The following MSRA variants were observed in gnomAD, a reference collection of about 807,000 sequenced individuals.
The protein encoded by MSRA is mitochondrial peptide methionine sulfoxide reductase.
In MSRA, 54 loss-of-function variants were observed where a neutral mutation model predicts 31.3. That is an observed-to-expected ratio of 1.73 (90% CI 1.39 to 2.17). The LOEUF is 2.17. Among genes scored for constraint, MSRA ranks in the 30% most tolerant of loss-of-function variants. The pLI, the probability that MSRA is intolerant of heterozygous loss-of-function variation, is 0.00. For synonymous variants in MSRA, 169 were observed against 116.5 expected (o/e 1.45, Z -2.90); for missense variants, 507 against 300.9 (o/e 1.69, Z -5.07).
intron 1 of MSRA, among the ~76,000 whole-genome samples, chr8:10,161,560 C>T (rs1162442956): frequency 6.6e-6 from 1 of 152,178 alleles, no homozygotes; most frequent in East Asian, 1.9e-4. Context: ...GCTTTGGTCT[C>T]TTAGGAGAGC....
chr8:10,393,707 A>G (rs2001338), intron 5 of MSRA, among the ~76,000 whole-genome samples: 45,215 of 152,146 alleles, frequency 0.3, 7,454 homozygotes, highest in Non-Finnish European at 0.37. Flanking sequence ...TATGACCTGC[A>G]CACGGGCAGC....
intron 2 of MSRA, among the ~76,000 whole-genome samples, chr8:10,223,290 T>C (rs549600714): frequency 1.1e-4 from 17 of 152,332 alleles, no homozygotes; most frequent in African/African-American, 3.1e-4. Context: ...TCATGAGAGT[T>C]GAAGTTGAGA....
Position 10,260,120 on chromosome 8 carries a change from T to G in MSRA, c.331+14897T>G, listed in dbSNP as rs73662812. 8.9e-3 allele frequency among the ~76,000 whole-genome samples: 1,353 copies of G among 152,250 alleles called. 28 individuals carry two copies. The highest frequency in any genetic ancestry group is 0.03 in the African/African-American group (1,259 of 41,544). On this transcript the variant is annotated intron_variant, in intron 3 of 5. Transcript: ENST00000317173. ...ACAAAATTGATGCACAATAATGATA[T>G]GATCTGTCAGAAGAAGTGGCAAAGA...
At chr8:10,415,091 A>G (rs987621040) in intron 5 of MSRA, among the ~76,000 whole-genome samples, 3 of 152,216 alleles carry the variant, frequency 2.0e-5, no homozygotes, top group South Asian at 4.1e-4. Flanking sequence ...TGGAGGGTGC[A>G]CTGTCTGAGC....
At chr8:10,223,148 A>G (rs756839980) in intron 2 of MSRA, among the ~76,000 whole-genome samples, 17 of 152,196 alleles carry the variant, frequency 1.1e-4, no homozygotes, top group Non-Finnish European at 2.1e-4. Flanking sequence ...TCCTTCCTAG[A>G]GAGTATTTAG....
At chr8:10,278,566 C>G (rs1269421357) in intron 3 of MSRA, among the ~76,000 whole-genome samples, 1 of 152,232 alleles carries the variant, frequency 6.6e-6, no homozygotes, top group Non-Finnish European at 1.5e-5. Flanking sequence ...GTGGGCACAC[C>G]TATGGCCTGT....
At chr8:10,346,857 C>T (rs1803810992) in intron 5 of MSRA, among the ~76,000 whole-genome samples, 1 of 152,206 alleles carries the variant, frequency 6.6e-6, no homozygotes, top group African/African-American at 2.4e-5. Context: ...GAACTGGTGA[C>T]TCTAAACAGT....
At chr8:10,306,935 T>C (rs147013984) in intron 4 of MSRA, among the ~76,000 whole-genome samples, 3 of 152,334 alleles carry the variant, frequency 2.0e-5, no homozygotes, top group East Asian at 1.9e-4. Context: ...GTCTTAGCGA[T>C]AGATGTTTCA....
chr8:10,370,077 T>G (rs918200942), intron 5 of MSRA, among the ~76,000 whole-genome samples: 1 of 152,240 alleles, frequency 6.6e-6, no homozygotes, highest in Admixed American at 6.5e-5. Context: ...CCATCATTTT[T>G]GCTTTCTGGT....
chr8:10,239,826 A>G (rs1251392530), intron 2 of MSRA, among the ~76,000 whole-genome samples: 2 of 152,164 alleles, frequency 1.3e-5, no homozygotes, highest in Non-Finnish European at 2.9e-5. Flanking sequence ...AAACACGTGT[A>G]TTATTCATTT....
chr8:10,291,316 A>G (rs1359844186), intron 3 of MSRA, among the ~76,000 whole-genome samples: 2 of 152,176 alleles, frequency 1.3e-5, no homozygotes, highest in East Asian at 1.9e-4. Flanking sequence ...CAAAAAATTC[A>G]CAATTGCTCC....
rs1395950177 is a variant in MSRA, at chr8:10,277,978, A to C, written c.332-23556A>C. ...TTGTAAGAGTAGTACCTGTTATTAC[A>C]GCAGGGGCAAGTTGTAAACCTCTTT... On this transcript the variant is annotated intron_variant, in intron 3 of 5. Coordinates refer to ENST00000317173, the MANE Select transcript of MSRA (RefSeq NM_012331.5). 3.9e-5 allele frequency among the ~76,000 whole-genome samples: 6 copies of C among 152,382 alleles called. No individual in the cohort carries two copies. In the East Asian group the frequency reaches 9.6e-4, roughly 24 times the overall value.
chr8:10,389,559 G>A (rs1806602616), intron 5 of MSRA, among the ~76,000 whole-genome samples: 1 of 152,164 alleles, frequency 6.6e-6, no homozygotes, highest in Admixed American at 6.5e-5. Context: ...GAGCTGTTAT[G>A]AGAACCACTG....
intron 1 of MSRA, among the ~76,000 whole-genome samples, chr8:10,170,180 C>G (rs112617811): frequency 6.6e-6 from 1 of 151,450 alleles, no homozygotes; most frequent in Non-Finnish European, 1.5e-5. Flanking sequence ...GCCACTGTGC[C>G]GGGCCTTCCT....
At chr8:10,313,273 A>G (rs1418458181) in intron 4 of MSRA, among the ~76,000 whole-genome samples, 2 of 152,210 alleles carry the variant, frequency 1.3e-5, no homozygotes, top group Non-Finnish European at 2.9e-5. Context: ...TTGAAGCAAC[A>G]TATTGAAGGT....
intron 1 of MSRA, among the ~76,000 whole-genome samples, chr8:10,105,161 C>T (rs562039791): frequency 2.6e-5 from 4 of 152,066 alleles, no homozygotes; most frequent in African/African-American, 9.6e-5. Context: ...TTAACTAATC[C>T]TTTGTTATGC....
intron 1 of MSRA, among the ~76,000 whole-genome samples, chr8:10,161,207 C>G (rs6986977): frequency 0.24 from 35,843 of 152,066 alleles, 5,016 homozygotes; most frequent in East Asian, 0.51. Context: ...GCCCAGCAAG[C>G]CAATAATTCC....
chr8:10,084,091 A>G (rs1798426438), intron 1 of MSRA, among the ~76,000 whole-genome samples: 1 of 152,218 alleles, frequency 6.6e-6, no homozygotes, highest in South Asian at 2.1e-4. Context: ...TGCCATCGGG[A>G]GTCGAGGCAG....
At chr8:10,257,480 C>G (rs757890121) in intron 3 of MSRA, among the ~76,000 whole-genome samples, 1 of 152,148 alleles carries the variant, frequency 6.6e-6, no homozygotes, top group Non-Finnish European at 1.5e-5. Flanking sequence ...GACCTCGGCT[C>G]ACTGCAACCC....
Sources: gnomAD v4.1 joint callset for allele counts (sites outside exome capture counted in the v4.1 genomes callset) on GRCh38, gnomAD v4.1.1 for gene constraint, MANE v1.5 for transcripts, NCBI Gene and HGNC (gene_info 2026-07-23, HGNC 2026-07-21) for gene names.